SORCS2: variants seen among roughly 807,000 people sequenced by gnomAD.
The protein encoded by SORCS2 is VPS10 domain-containing receptor SorCS2.
A neutral mutation model predicts 141.6 loss-of-function variants in SORCS2; 100 were observed. The ratio of observed to expected loss-of-function variants is 0.71; its 90% confidence interval spans 0.60 to 0.83. The LOEUF (loss-of-function observed/expected upper bound fraction) is 0.83. SORCS2 is among the 40% of genes least tolerant of loss of function. The pLI is 0.00. For missense variants in SORCS2, 1,646 were observed against 1,560.2 expected, an observed-to-expected ratio of 1.05 and a Z score of -0.93; for synonymous variants, 789 against 676.9, an observed-to-expected ratio of 1.17 and a Z score of -2.57.
At chr4:7,273,118 C>T (rs1433789000) in intron 1 of SORCS2, among the ~76,000 whole-genome samples, 1 of 152,236 alleles carries the variant, frequency 6.6e-6, no homozygotes, top group Non-Finnish European at 1.5e-5. Context: ...TTCTAGTTTT[C>T]AACAACATCT....
At chr4:7,369,914 T>C (rs935484383) in intron 1 of SORCS2, among the ~76,000 whole-genome samples, 1 of 152,204 alleles carries the variant, frequency 6.6e-6, no homozygotes, top group Non-Finnish European at 1.5e-5. Context: ...CTCCCCATGT[T>C]CCTGCCCCCT....
At chr4:7,334,234 G>A (rs551523445) in intron 1 of SORCS2, among the ~76,000 whole-genome samples, 5 of 152,222 alleles carry the variant, frequency 3.3e-5, no homozygotes, top group Admixed American at 2.0e-4. Context: ...CAAACTTTGC[G>A]CACCCCGGGT....
chr4:7,203,287 G>A (rs1727569801), intron 1 of SORCS2, among the ~76,000 whole-genome samples: 1 of 152,278 alleles, frequency 6.6e-6, no homozygotes, highest in African/African-American at 2.4e-5. Flanking sequence ...AGCCGGGCGT[G>A]ATGGCACATG....
In SORCS2 at chr4:7,617,654, G is replaced by T. The variant is rs115530841; in HGVS notation, c.649-20674G>T. On this transcript the variant is annotated intron_variant, in intron 3 of 26. Transcript: ENST00000507866. ...CATAGAGGAGGAGACATTTGAGTTG[G>T]CCTTTGGAGGGTGTATAGGAGTTGG... Among the ~76,000 whole-genome samples, 443 of 152,324 alleles carry T rather than the reference G, an allele frequency of 2.9e-3. 2 individuals carry two copies. The highest frequency in any genetic ancestry group is 0.01 in the African/African-American group (425 of 41,576).
chr4:7,406,785 T>A (rs1433539149), intron 2 of SORCS2, among the ~76,000 whole-genome samples: 1 of 152,010 alleles, frequency 6.6e-6, no homozygotes, highest in African/African-American at 2.4e-5. Flanking sequence ...GGTTTGTTTT[T>A]TCTAGTTCCT....
chr4:7,724,648 A>G (rs1217851526), intron 19 of SORCS2, among the ~76,000 whole-genome samples: 1 of 132,784 alleles, frequency 7.5e-6, no homozygotes, highest in East Asian at 2.3e-4. Flanking sequence ...GGTGGAGGTG[A>G]TGGTGGTAGT....
rs138445481 is a variant in SORCS2, at chr4:7,260,762, T to A, written c.480+67636T>A. 7.6e-3 allele frequency among the ~76,000 whole-genome samples: 1,158 copies of A among 152,276 alleles called. 7 individuals carry two copies. The highest frequency in any genetic ancestry group is 0.017 in the Middle Eastern group (5 of 294). ...GAGACTTCCTGGAGGAGGTGGCATT[T>A]CAGCAGGGCCTTGAAGGCCCACTAG... On this transcript the variant is annotated intron_variant, in intron 1 of 26. Transcript: ENST00000507866.
At chr4:7,681,257 G>C (rs574041877) in intron 9 of SORCS2, among the ~76,000 whole-genome samples, 1 of 152,186 alleles carries the variant, frequency 6.6e-6, no homozygotes, top group Non-Finnish European at 1.5e-5. Flanking sequence ...GAGGAGTGAG[G>C]TTGCAGAAGG....
At chr4:7,544,719 C>T (rs2109606198) in intron 3 of SORCS2, among the ~76,000 whole-genome samples, 1 of 152,336 alleles carries the variant, frequency 6.6e-6, no homozygotes. Flanking sequence ...TAGTTCAGGG[C>T]CCTTGCAGGC....
chr4:7,505,710 C>T (rs1375521747), intron 2 of SORCS2, among the ~76,000 whole-genome samples: 4 of 152,148 alleles, frequency 2.6e-5, no homozygotes, highest in Admixed American at 2.6e-4. Context: ...GAGGACGCAG[C>T]AGCAAGGCCC....
intron 2 of SORCS2, among the ~76,000 whole-genome samples, chr4:7,493,431 G>A (rs561355018): frequency 5.3e-4 from 81 of 152,160 alleles, no homozygotes; most frequent in African/African-American, 8.2e-4. Context: ...GGATCCTACC[G>A]GATCTGCCTG....
At chr4:7,323,112 T>C (rs757554671) in intron 1 of SORCS2, among the ~76,000 whole-genome samples, 8 of 152,258 alleles carry the variant, frequency 5.3e-5, no homozygotes, top group Non-Finnish European at 1.0e-4. Context: ...ATATTATTTA[T>C]GTATTAATAA....
chr4:7,375,850 T>A (rs755514531), intron 1 of SORCS2, among the ~76,000 whole-genome samples: 8 of 152,170 alleles, frequency 5.3e-5, no homozygotes, highest in Non-Finnish European at 1.2e-4. Context: ...CTTCTTCCTG[T>A]GTCTCATTCA....
At chr4:7,344,808 C>T (rs534982535) in intron 1 of SORCS2, among the ~76,000 whole-genome samples, 4 of 152,300 alleles carry the variant, frequency 2.6e-5, no homozygotes, top group East Asian at 1.9e-4. Flanking sequence ...CTGATTCCCC[C>T]GTGTACTGAC....
chr4:7,538,605 A>ACACACACACACACACACACACG (rs1263290181), intron 3 of SORCS2, among the ~76,000 whole-genome samples: 4 of 152,066 alleles, frequency 2.6e-5, no homozygotes, highest in African/African-American at 9.7e-5. Flanking sequence ...ACACACACAC[A>ACACACACACACACACACACACG]CACACATTTT....
intron 3 of SORCS2, among the ~76,000 whole-genome samples, chr4:7,568,474 C>A (rs1443814538): frequency 6.6e-6 from 1 of 152,204 alleles, no homozygotes; most frequent in Non-Finnish European, 1.5e-5. Context: ...GCTACATACT[C>A]TCTCCAGACC....
chr4:7,360,281 G>A (rs1036779170), intron 1 of SORCS2, among the ~76,000 whole-genome samples: 1 of 152,296 alleles, frequency 6.6e-6, no homozygotes, highest in African/African-American at 2.4e-5. Flanking sequence ...TAAAGAAACT[G>A]AGACTCAGAG....
chr4:7,429,938 C>G (rs10021616), intron 2 of SORCS2, among the ~76,000 whole-genome samples: 5 of 152,074 alleles, frequency 3.3e-5, no homozygotes, highest in Non-Finnish European at 7.4e-5. Context: ...GGAAGCCAGC[C>G]CAGCTCCTGG....
rs1007449774 is a variant in SORCS2, at chr4:7,664,263, T to C, written c.953-90T>C. ...CCCATGAAGCCACACCACAGCGGTA[T>C]TGGAGGAAGATGGAGTCCAGCACAT... On this transcript the variant is annotated intron_variant, in intron 6 of 26. Transcript: ENST00000507866. The surrounding 1 kb of genome is among the most constrained non-coding windows in gnomAD (Gnocchi z 4.7). 2 of 1,003,294 alleles carry C rather than the reference T, an allele frequency of 2.0e-6. No homozygotes were observed. Among genetic ancestry groups the C allele is most frequent in the East Asian group, 5.3e-5 (2 of 37,974 alleles). 62.1% of individuals were successfully genotyped at this position (1,003,294 alleles called of 1,614,324 possible).
Sources: allele counts gnomAD v4.1 joint callset (sites outside exome capture counted in the v4.1 genomes callset), GRCh38; gene constraint gnomAD v4.1.1; non-coding constraint Gnocchi (gnomAD v3.1); transcripts MANE v1.5; gene names NCBI Gene and HGNC (gene_info 2026-07-23, HGNC 2026-07-21).